Variants in PARD3 observed in about 807,000 individuals in gnomAD.
PARD3 encodes the protein partitioning defective 3 homolog.
In PARD3, 75 loss-of-function variants were observed where a neutral mutation model predicts 155.4. The observed-to-expected ratio is 0.48, with a 90% confidence interval of 0.40 to 0.58. The LOEUF (loss-of-function observed/expected upper bound fraction) is 0.58, where lower values mean the gene tolerates loss of function less well. Among genes scored for constraint, PARD3 ranks in the 20% least tolerant of loss-of-function variants. The probability of loss-of-function intolerance (pLI) is 0.00; values close to 1 mark genes in which losing one functional copy is unlikely to be tolerated. For missense variants in PARD3, 1,642 were observed against 1,721.7 expected (o/e 0.95, Z 0.82); for synonymous variants, 576 against 610.5 (o/e 0.94, Z 0.83).
At chr10:34,742,998 C>T (rs533780258) in intron 1 of PARD3, among the ~76,000 whole-genome samples, 268 of 152,292 alleles carry the variant, frequency 1.8e-3, no homozygotes, top group African/African-American at 5.8e-3. Flanking sequence ...CCTCAATGTC[C>T]TTTTGTAAGA....
rs1425179839 is a variant in PARD3, at chr10:34,234,208, A to G, written c.3419+35449T>C. Reference sequence around the variant, plus strand: ...AACTACTGATACATAACTACTTTGTAATCAATTTGTGATATAACTACTGAT... The same window carrying G: ...AACTACTGATACATAACTACTTTGTGATCAATTTGTGATATAACTACTGAT... On this transcript the variant is annotated intron_variant, in intron 22 of 24. Transcript: ENST00000374788. Among the ~76,000 whole-genome samples the G allele has an allele frequency of 2.6e-5, 4 of 152,146 alleles. No homozygotes were observed. In the South Asian group the frequency reaches 8.3e-4, roughly 32 times the overall value.
At chr10:34,768,935 C>T (rs996429960) in intron 1 of PARD3, among the ~76,000 whole-genome samples, 1 of 152,214 alleles carries the variant, frequency 6.6e-6, no homozygotes, top group African/African-American at 2.4e-5. Context: ...ACGTCACCCT[C>T]GGTGCCCAAA....
chr10:34,502,434 C>G (rs1015133933), intron 3 of PARD3, among the ~76,000 whole-genome samples: 1 of 152,134 alleles, frequency 6.6e-6, no homozygotes, highest in Non-Finnish European at 1.5e-5. Context: ...CGCAGGAAGG[C>G]AGCACTGCCA....
intron 5 of PARD3, among the ~76,000 whole-genome samples, chr10:34,446,808 T>C (rs1325607081): frequency 6.6e-6 from 1 of 152,204 alleles, no homozygotes; most frequent in Non-Finnish European, 1.5e-5. Context: ...TGCTGTTTCA[T>C]ATTTTAATAC....
intron 1 of PARD3, among the ~76,000 whole-genome samples, chr10:34,709,166 G>C (rs1459170520): frequency 1.3e-5 from 2 of 151,862 alleles, no homozygotes; most frequent in Non-Finnish European, 2.9e-5. Flanking sequence ...TCGAAGATGG[G>C]ACCCAAATTT....
chr10:34,616,572 G>A (rs1313996419), intron 2 of PARD3, among the ~76,000 whole-genome samples: 2 of 152,160 alleles, frequency 1.3e-5, no homozygotes, highest in Non-Finnish European at 2.9e-5. Flanking sequence ...CCTGGAGGAC[G>A]TTATGTGAAG....
intron 22 of PARD3, among the ~76,000 whole-genome samples, chr10:34,168,661 G>T (rs1312020223): frequency 6.6e-6 from 1 of 152,176 alleles, no homozygotes; most frequent in Non-Finnish European, 1.5e-5. Context: ...GGCAGTTACT[G>T]AAAAGAGCAG....
chr10:34,692,902 G>C (rs999957587), intron 2 of PARD3, among the ~76,000 whole-genome samples: 5 of 152,090 alleles, frequency 3.3e-5, no homozygotes, highest in African/African-American at 9.7e-5. Context: ...AACAAGAACA[G>C]ACGCTTTTCA....
intron 22 of PARD3, among the ~76,000 whole-genome samples, chr10:34,222,220 C>A (rs764268201): frequency 6.6e-6 from 1 of 152,022 alleles, no homozygotes; most frequent in African/African-American, 2.4e-5. Context: ...TTTTTTCTTG[C>A]GCTCTGAATA....
At chr10:34,287,878 T>C (rs1189490945) in intron 20 of PARD3, among the ~76,000 whole-genome samples, 1 of 152,188 alleles carries the variant, frequency 6.6e-6, no homozygotes, top group Non-Finnish European at 1.5e-5. Context: ...TTTTTGTAAA[T>C]GTATTACCAA....
chr10:34,759,290 A>G (rs907198851), intron 1 of PARD3, among the ~76,000 whole-genome samples: 4 of 152,168 alleles, frequency 2.6e-5, no homozygotes, highest in Non-Finnish European at 5.9e-5. Flanking sequence ...CTTTAAACTT[A>G]GGTCCTAAAT....
intron 14 of PARD3, among the ~76,000 whole-genome samples, chr10:34,349,215 T>G (rs910082874): frequency 2.6e-5 from 4 of 152,136 alleles, no homozygotes; most frequent in African/African-American, 9.7e-5. Context: ...AATTATTATT[T>G]CCGTTAGAAG....
intron 2 of PARD3, among the ~76,000 whole-genome samples, chr10:34,610,689 G>A (rs1446641547): frequency 6.6e-6 from 1 of 152,134 alleles, no homozygotes; most frequent in Non-Finnish European, 1.5e-5. Flanking sequence ...GTTGCTGACA[G>A]CATTTTGTTT....
chr10:34,470,359 A>C (rs1794559562), intron 3 of PARD3, 96 bp from the exon 4 acceptor site: 2 of 934,608 alleles, frequency 2.1e-6, no homozygotes, highest in African/African-American at 1.7e-5. Flanking sequence ...ATTAAGGAAC[A>C]GAATTACACT....
chr10:34,743,815 G>T (rs1329252707), intron 1 of PARD3, among the ~76,000 whole-genome samples: 1 of 152,106 alleles, frequency 6.6e-6, no homozygotes, highest in Non-Finnish European at 1.5e-5. Flanking sequence ...GAGAGCACAC[G>T]GAAGCTGTGT....
intron 2 of PARD3, among the ~76,000 whole-genome samples, chr10:34,544,692 T>A (rs1365688443): frequency 6.6e-6 from 1 of 152,200 alleles, no homozygotes. Context: ...TGGGAAACTC[T>A]GTCCTAACCT....
intron 4 of PARD3, among the ~76,000 whole-genome samples, chr10:34,458,972 A>G (rs1163682418): frequency 6.6e-6 from 1 of 152,184 alleles, no homozygotes; most frequent in East Asian, 1.9e-4. Context: ...GTGTGAAAGA[A>G]TAAATAAATA....
intron 4 of PARD3, among the ~76,000 whole-genome samples, chr10:34,455,713 G>A (rs987149564): frequency 6.6e-6 from 1 of 152,070 alleles, no homozygotes; most frequent in Non-Finnish European, 1.5e-5. Context: ...TAAACTAAAT[G>A]CCTATTAAGA....
At position 34,551,750 on chromosome 10, in the gene PARD3, T is replaced by C. The variant is rs138724684; in HGVS notation, c.223-34591A>G. Among the ~76,000 whole-genome samples the C allele has an allele frequency of 6.7e-4, 102 of 152,234 alleles. 2 individuals carry two copies. The East Asian group carries it at 0.015, about 22-fold the overall frequency. On this transcript the variant is annotated intron_variant, in intron 2 of 24. Coordinates refer to ENST00000374788, the MANE Select transcript of PARD3 (RefSeq NM_001184785.2). ...GTGTGATGGGCACTGGGGGTGGCCA[T>C]GGGGAAGGAGAGAGGAGCAAAGCCT...
Sources: allele counts gnomAD v4.1 joint callset (sites outside exome capture counted in the v4.1 genomes callset), GRCh38; gene constraint gnomAD v4.1.1; transcripts MANE v1.5; gene names NCBI Gene and HGNC (gene_info 2026-07-23, HGNC 2026-07-21).